Variants in DOCK2 observed in about 807,000 individuals in gnomAD.
DOCK2 encodes the protein dedicator of cytokinesis 2, also known as dedicator of cytokinesis protein 2.
A neutral mutation model predicts 248.9 loss-of-function variants in DOCK2; 87 were observed. The observed-to-expected ratio is 0.35, with a 90% CI of 0.29 to 0.42. The LOEUF is 0.42. Ranked by LOEUF, DOCK2 falls within the 10% of genes least tolerant of loss-of-function variation. The pLI is 1.00. For missense variants in DOCK2, 1,747 were observed against 2,300.2 expected, an observed-to-expected ratio of 0.76 and a Z score of 4.92; for synonymous variants, 805 against 821.6, an observed-to-expected ratio of 0.98 and a Z score of 0.35.
chr5:169,780,437 C>T (rs1051333000), intron 25 of DOCK2, among the ~76,000 whole-genome samples: 10 of 152,130 alleles, frequency 6.6e-5, no homozygotes, highest in African/African-American at 2.4e-4. Flanking sequence ...TAAAGTACCT[C>T]TGGGCCTTGT....
intron 26 of DOCK2, among the ~76,000 whole-genome samples, chr5:169,821,877 T>C (rs1319046252): frequency 6.6e-6 from 1 of 151,988 alleles, no homozygotes; most frequent in Non-Finnish European, 1.5e-5. Context: ...GAAACCCATC[T>C]CACGTGCAGA....
At chr5:170,066,012 C>T (rs1229651147) in intron 44 of DOCK2, among the ~76,000 whole-genome samples, 3 of 139,968 alleles carry the variant, frequency 2.1e-5, no homozygotes, top group Non-Finnish European at 4.5e-5. Context: ...AGTGTAGTGG[C>T]GCGAACTCAG....
intron 1 of DOCK2, among the ~76,000 whole-genome samples, chr5:169,637,820 C>T (rs963698747): frequency 6.6e-6 from 1 of 152,176 alleles, no homozygotes; most frequent in South Asian, 2.1e-4. Context: ...CTGTCTGTTC[C>T]TCCTGGGTCA....
intron 30 of DOCK2, among the ~76,000 whole-genome samples, chr5:170,002,064 G>A (rs1754852765): frequency 6.6e-6 from 1 of 152,072 alleles, no homozygotes; most frequent in African/African-American, 2.4e-5. Flanking sequence ...AACCCTGGAA[G>A]GCAACCTGAC....
chr5:169,979,258 G>C lies in DOCK2; in HGVS notation c.2800-3810G>C, dbSNP rs1777852792. 2.0e-5 allele frequency among the ~76,000 whole-genome samples: 3 copies of C among 152,192 alleles called. No homozygotes were observed. The South Asian group carries it at 6.2e-4, about 32-fold the overall frequency. ...TTTGAACAACGTCAGTGTTAGGGCT[G>C]TCTAAGTTGCTAGGGCAAATGCAGT... On this transcript the variant is annotated intron_variant, in intron 27 of 51. Transcript: ENST00000520908.
intron 30 of DOCK2, chr5:169,999,994 T>G (rs1754778108): frequency 1.3e-5 from 2 of 152,222 alleles, no homozygotes; most frequent in Non-Finnish European, 1.5e-5. Context: ...ATAAAAATGG[T>G]GTTTTCTGGT....
chr5:169,904,852 A>G (rs1169343605), intron 27 of DOCK2, among the ~76,000 whole-genome samples: 2 of 152,108 alleles, frequency 1.3e-5, no homozygotes, highest in Non-Finnish European at 2.9e-5. Context: ...GCCTGCCCAG[A>G]AGACTATGGC....
chr5:169,956,298 G>A (rs1776863185), intron 27 of DOCK2, among the ~76,000 whole-genome samples: 1 of 152,180 alleles, frequency 6.6e-6, no homozygotes, highest in South Asian at 2.1e-4. Context: ...GGAGTGCCTG[G>A]GAGCGGCTAG....
rs529803523 is a variant in DOCK2 at position 169,985,863 on chromosome 5, C to T, written c.2934C>T (p.Asp978=). ...TGGAGACCTTCATCATGTTCAAGGA[C>T]CTCATTGGAAAGAACGTGTACCCTG... is the stretch of plus-strand genomic sequence containing the variant. The part of the protein sequence containing the change: ...FLMETFIMFK[D]LIGKNVYPGD... The change falls in exon 29 of 52, where the codon GAC becomes GAT. Residue 978 remains aspartate, a synonymous_variant. Transcript: ENST00000520908. 1.2e-6 allele frequency: 2 copies of T among 1,610,446 alleles called. No individual in the cohort carries two copies. The highest frequency in any genetic ancestry group is 1.7e-5 in the Admixed American group (1 of 59,850).
At chr5:169,861,838 A>G (rs1305870618) in intron 27 of DOCK2, among the ~76,000 whole-genome samples, 1 of 152,216 alleles carries the variant, frequency 6.6e-6, no homozygotes, top group Non-Finnish European at 1.5e-5. Flanking sequence ...TGGCCCAAGC[A>G]ATGCGGTGTT....
chr5:170,057,815 C>T (rs1181834928), intron 44 of DOCK2, 149 bp downstream of exon 44: 4 of 613,150 alleles, frequency 6.5e-6, no homozygotes, highest in African/African-American at 5.8e-5. Flanking sequence ...AGGCAGCATT[C>T]AGAATAGTGC....
chr5:169,803,319 C>T (rs1175648988), intron 26 of DOCK2, 113 bp downstream of exon 26: 30 of 1,405,112 alleles, frequency 2.1e-5, no homozygotes, highest in Middle Eastern at 2.6e-4. Flanking sequence ...TAAAAGTCAA[C>T]GGCTTGCTCA....
intron 26 of DOCK2, among the ~76,000 whole-genome samples, chr5:169,825,585 G>A (rs1243571435): frequency 3.6e-5 from 5 of 140,370 alleles, no homozygotes; most frequent in East Asian, 2.2e-4. Context: ...ACACTTGGAC[G>A]CAGGGCGGGG....
chr5:169,986,490 A>G (rs1778073291), intron 29 of DOCK2, among the ~76,000 whole-genome samples: 1 of 152,228 alleles, frequency 6.6e-6, no homozygotes, highest in African/African-American at 2.4e-5. Context: ...TAACCCAAGT[A>G]TAGCTTAGAT....
chr5:169,943,038 A>C (rs1776302165), intron 27 of DOCK2, among the ~76,000 whole-genome samples: 1 of 152,176 alleles, frequency 6.6e-6, no homozygotes, highest in African/African-American at 2.4e-5. Context: ...AAGTATAGGA[A>C]TGTGTTGGGC....
At chr5:169,816,016 C>A (rs1206354306) in intron 26 of DOCK2, among the ~76,000 whole-genome samples, 1 of 152,186 alleles carries the variant, frequency 6.6e-6, no homozygotes, top group Non-Finnish European at 1.5e-5. Flanking sequence ...AAAAGCATTT[C>A]TTGCATAGTG....
intron 21 of DOCK2, 33 bp downstream of exon 21, chr5:169,717,517 T>C (rs1367172804): frequency 1.9e-6 from 3 of 1,596,100 alleles, no homozygotes; most frequent in East Asian, 4.5e-5. Context: ...ACTTCTTCTC[T>C]ACCACCCTCT....
At position 169,883,951 on chromosome 5, in the gene DOCK2, C is replaced by T. The variant is rs950696706; in HGVS notation, c.2799+43099C>T. On this transcript the variant is annotated intron_variant, in intron 27 of 51. Transcript: ENST00000520908. ...ATACACTTCTCCTAGGCACATCTCC[C>T]CTTAGGTCTTTGGAGCAGTATCTAA... 4 of 1,422,636 alleles carry T rather than the reference C, an allele frequency of 2.8e-6. No homozygotes were observed. In the African/African-American group the frequency reaches 4.3e-5, roughly 15 times the overall value. The allele number at this position is 1,422,636 out of a possible 1,614,324, so 88.1% of individuals were successfully genotyped here. A position where few individuals can be genotyped will look rare whatever the true frequency, so the allele number is the denominator to read the frequency against.
chr5:169,812,914 C>A (rs1264220211), intron 26 of DOCK2, among the ~76,000 whole-genome samples: 1 of 152,274 alleles, frequency 6.6e-6, no homozygotes, highest in African/African-American at 2.4e-5. Context: ...CTGGTGGCAG[C>A]CAGATGGTTT....
Sources: allele counts gnomAD v4.1 joint callset (sites outside exome capture counted in the v4.1 genomes callset), GRCh38; gene constraint gnomAD v4.1.1; transcripts MANE v1.5; gene names NCBI Gene and HGNC (gene_info 2026-07-23, HGNC 2026-07-21).